Variants in ZNF516 observed in about 807,000 individuals in gnomAD.
ZNF516 encodes the protein zinc finger protein 516.
Under a neutral mutation model 79.7 loss-of-function variants are expected in ZNF516, and 19 were observed. The ratio of observed to expected loss-of-function variants is 0.24; its 90% CI spans 0.17 to 0.35. The LOEUF (loss-of-function observed/expected upper bound fraction) is 0.35, where lower values mean the gene tolerates loss of function less well. Ranked by LOEUF, ZNF516 falls within the 10% of genes least tolerant of loss-of-function variation. The pLI is 1.00. For missense variants in ZNF516, 1,678 were observed against 1,679.5 expected (o/e 1.00, Z 0.02); for synonymous variants, 877 against 739.5 (o/e 1.19, Z -3.02).
chr18:76,490,391 A>G (rs1158470332), intron 1 of ZNF516, among the ~76,000 whole-genome samples: 1 of 152,262 alleles, frequency 6.6e-6, no homozygotes, highest in Non-Finnish European at 1.5e-5. Flanking sequence ...TGACGACATA[A>G]TCAAAGAATG....
chr18:76,431,400 T>C (rs1469579165), intron 3 of ZNF516, among the ~76,000 whole-genome samples: 1 of 152,190 alleles, frequency 6.6e-6, no homozygotes, highest in Admixed American at 6.5e-5. Context: ...AAGCCACAGA[T>C]TCCTTTAAGA....
Position 76,455,815 on chromosome 18 carries a change from G to A in ZNF516, c.-158+7213C>T, listed in dbSNP as rs528662389. ...AGCTCTCCATGCACAAACCTCTGTG[G>A]GAGAGAAAGAAAATGAGCATGTGTG... On this transcript the variant is annotated intron_variant, in intron 2 of 6. Coordinates refer to ENST00000443185, the MANE Select transcript of ZNF516 (RefSeq NM_014643.4). 2.8e-4 allele frequency among the ~76,000 whole-genome samples: 43 copies of A among 152,258 alleles called. No individual in the cohort carries two copies. In the South Asian group the frequency reaches 8.3e-3, roughly 29 times the overall value.
rs1911812001 is a variant in ZNF516, at chr18:76,443,005, G to A, written c.50C>T (p.Pro17Leu). 2 of 1,601,428 alleles carry A rather than the reference G, an allele frequency of 1.2e-6. No individual in the cohort carries two copies. The highest frequency in any genetic ancestry group is 4.5e-5 in the East Asian group (2 of 44,796). ...AEMELRRGPS[P>L]TRAGRGHEVD... ...CTCGTGGCCCCGGCCGGCCCTGGTGGGGCTGGGGCCTCGCCTCAGCTCCAT... is the reference window on the plus strand; with the variant it reads ...CTCGTGGCCCCGGCCGGCCCTGGTGAGGCTGGGGCCTCGCCTCAGCTCCAT... The change falls in exon 3 of 7, where the codon CCC becomes CTC. Residue 17 changes from proline to leucine, a missense_variant. By Grantham distance (98) the Pro-to-Leu change is moderately conservative. Coordinates refer to ENST00000443185, the MANE Select transcript of ZNF516 (RefSeq NM_014643.4).
intron 1 of ZNF516, among the ~76,000 whole-genome samples, chr18:76,469,114 C>G (rs1446116319): frequency 6.6e-6 from 1 of 152,154 alleles, no homozygotes; most frequent in Non-Finnish European, 1.5e-5. Context: ...ATGTTTAGCT[C>G]TGTACGCCTG....
At chr18:76,428,993 C>G (rs1183643914) in intron 3 of ZNF516, among the ~76,000 whole-genome samples, 1 of 152,240 alleles carries the variant, frequency 6.6e-6, no homozygotes, top group African/African-American at 2.4e-5. Context: ...AGGAGGAGGG[C>G]GAGCGGGCAG....
chr18:76,415,165 T>C (rs1369882558), intron 3 of ZNF516, among the ~76,000 whole-genome samples: 1 of 151,512 alleles, frequency 6.6e-6, no homozygotes, highest in Non-Finnish European at 1.5e-5. Flanking sequence ...CCCATTGCAC[T>C]CCAGCAGCGT....
chr18:76,476,157 C>T (rs1914160885), intron 1 of ZNF516, among the ~76,000 whole-genome samples: 1 of 152,140 alleles, frequency 6.6e-6, no homozygotes, highest in Non-Finnish European at 1.5e-5. Flanking sequence ...AAGTATTTGG[C>T]TCTAACTAAA....
chr18:76,372,079 C>T (rs1319903541), intron 4 of ZNF516, among the ~76,000 whole-genome samples: 1 of 152,236 alleles, frequency 6.6e-6, no homozygotes, highest in Non-Finnish European at 1.5e-5. Flanking sequence ...CCTGCCTGGG[C>T]AGCTCTGAGG....
chr18:76,456,124 C>T (rs1188863942), intron 2 of ZNF516, among the ~76,000 whole-genome samples: 1 of 152,194 alleles, frequency 6.6e-6, no homozygotes, highest in Non-Finnish European at 1.5e-5. Context: ...CATCAGTGCT[C>T]GCCCCTCTTC....
chr18:76,408,367 C>T (rs940130396), intron 3 of ZNF516, among the ~76,000 whole-genome samples: 1 of 152,148 alleles, frequency 6.6e-6, no homozygotes, highest in Non-Finnish European at 1.5e-5. Flanking sequence ...CTGCGGCGTG[C>T]GTCTCTCCTG....
chr18:76,481,818 G>C (rs1354944841), intron 1 of ZNF516, among the ~76,000 whole-genome samples: 1 of 152,174 alleles, frequency 6.6e-6, no homozygotes, highest in Admixed American at 6.5e-5. Flanking sequence ...TAAGTCATTA[G>C]TAATGAAAAT....
intron 4 of ZNF516, among the ~76,000 whole-genome samples, chr18:76,375,599 T>C (rs1043462173): frequency 1.9e-5 from 2 of 105,494 alleles, no homozygotes; most frequent in African/African-American, 6.1e-5. Context: ...CAGAAGGTCC[T>C]GGGGACCAGG....
intron 2 of ZNF516, among the ~76,000 whole-genome samples, chr18:76,452,818 T>C (rs17355234): frequency 0.016 from 2,401 of 152,292 alleles, 31 homozygotes; most frequent in Middle Eastern, 0.054. Context: ...AATCTAATTA[T>C]GGATTACATT....
chr18:76,373,688 C>T lies in ZNF516; in HGVS notation c.3260-2117G>A, dbSNP rs568193812. Among the ~76,000 whole-genome samples the T allele has an allele frequency of 8.5e-5, 13 of 152,370 alleles. No homozygotes were observed. The South Asian group carries it at 2.7e-3, about 32-fold the overall frequency. ...CCCTCCCACTCATCCGTGCTTATTTCCTTGAAGTAAGGGTGCATGAGCACG... is the reference window on the plus strand; with the variant it reads ...CCCTCCCACTCATCCGTGCTTATTTTCTTGAAGTAAGGGTGCATGAGCACG... On this transcript the variant is annotated intron_variant, in intron 4 of 6. Transcript: ENST00000443185.
chr18:76,442,800 G>C lies in ZNF516; in HGVS notation c.255C>G (p.Arg85=), dbSNP rs776816084. 1.4e-5 allele frequency: 22 copies of C among 1,609,726 alleles called. No homozygotes were observed. The highest frequency in any genetic ancestry group is 1.9e-5 in the Non-Finnish European group (22 of 1,178,038). The part of the protein sequence containing the change: ...GNLKIHIRSH[R]TGTLIQGHEP... ...CGTGTCCCTGAATCAGAGTCCCCGT[G>C]CGGTGGCTCCGGATGTGAATCTTCA... is the stretch of plus-strand genomic sequence containing the variant. Residue 85 remains arginine, a synonymous_variant, in exon 3 of 7, where the codon CGC becomes CGG. Coordinates refer to ENST00000443185, the MANE Select transcript of ZNF516 (RefSeq NM_014643.4).
intron 3 of ZNF516, among the ~76,000 whole-genome samples, chr18:76,426,939 G>C (rs535071278): frequency 6.6e-6 from 1 of 152,176 alleles, no homozygotes; most frequent in Non-Finnish European, 1.5e-5. Context: ...TCCTGGAACC[G>C]AGGCGGGGTC....
In ZNF516 at chr18:76,370,530, G is replaced by C. The variant is rs763746128; in HGVS notation, c.3430C>G (p.Gln1144Glu). 3.1e-6 allele frequency: 5 copies of C among 1,606,492 alleles called. No homozygotes were observed. Among genetic ancestry groups the C allele is most frequent in the Non-Finnish European group, 4.3e-6 (5 of 1,176,034 alleles). The change falls in exon 6 of 7, where the codon CAA becomes GAA. Residue 1144 changes from glutamine to glutamate, a missense_variant and splice_region_variant. Around this residue, in one of 5 missense-constraint regions of ZNF516, gnomAD observed 1,294 missense variants for 1,248.3 expected, o/e 1.04. Coordinates refer to ENST00000443185, the MANE Select transcript of ZNF516 (RefSeq NM_014643.4). ...ATCCAATTCATCATGAGACCTACTT[G>C]TTTGGGGGCGTCTGCGGAGGTGGTA... ...VHTTSADAPK[Q>E]GRDHSNTGTV...
In ZNF516 at chr18:76,362,493, C is replaced by T. The variant is rs572054314; in HGVS notation, c.*5G>A. 119 of 1,612,884 alleles carry T rather than the reference C, an allele frequency of 7.4e-5. No homozygotes were observed. Among genetic ancestry groups the T allele is most frequent in the African/African-American group, 2.9e-4 (22 of 75,020 alleles). On this transcript the variant is annotated 3_prime_UTR_variant, in exon 7 of 7. Transcript: ENST00000443185. ...GGGGACCTGGGGTGCGTCGGAAACA[C>T]GCCTTTAGGTTCCCTTTCTCAGAGG...
At chr18:76,438,970 G>A (rs2075779810) in intron 3 of ZNF516, among the ~76,000 whole-genome samples, 1 of 152,192 alleles carries the variant, frequency 6.6e-6, no homozygotes, top group Admixed American at 6.5e-5. Flanking sequence ...AGAGTTCCAT[G>A]AGAATTTAAA....
Sources: gnomAD v4.1 joint callset for allele counts (sites outside exome capture counted in the v4.1 genomes callset) on GRCh38, gnomAD v4.1.1 for gene constraint, gnomAD v4.1.1 regional missense constraint, MANE v1.5 for transcripts, NCBI Gene and HGNC (gene_info 2026-07-23, HGNC 2026-07-21) for gene names.